Variants in GRM1 observed in about 807,000 individuals in gnomAD.
GRM1 encodes metabotropic glutamate receptor 1.
Under a neutral mutation model 90.9 loss-of-function variants are expected in GRM1, and 33 were observed. The observed-to-expected ratio is 0.36, with a 90% CI of 0.28 to 0.49. GRM1 has a LOEUF of 0.49. GRM1 is among the 20% of genes least tolerant of loss of function. The pLI is 0.99. For synonymous variants in GRM1, 700 were observed against 613.2 expected (o/e 1.14, Z -2.09); for missense variants, 1,190 against 1,534.3 (o/e 0.78, Z 3.75).
intron 1 of GRM1, among the ~76,000 whole-genome samples, chr6:146,068,899 A>T (rs1383429205): frequency 1.3e-5 from 2 of 152,222 alleles, no homozygotes; most frequent in African/African-American, 4.8e-5. Context: ...ATACATATTT[A>T]AAAAATCATA....
rs189769996 is a variant in GRM1, at chr6:146,245,218, G to A, written c.951-59393G>A. Among the ~76,000 whole-genome samples, 403 of 152,218 alleles carry A rather than the reference G, an allele frequency of 2.6e-3. 3 individuals are homozygous for A. Among genetic ancestry groups the A allele is most frequent in the African/African-American group, 8.8e-3 (367 of 41,552 alleles). On this transcript the variant is annotated intron_variant, in intron 2 of 7. Coordinates refer to ENST00000282753, the MANE Select transcript of GRM1 (RefSeq NM_001278064.2). ...ATAAAAAATTCATTTGTGTTCAGGG[G>A]CAAGAATGGTGATATAAATGTTCAA...
chr6:146,283,295 C>A (rs1441213226), intron 2 of GRM1, among the ~76,000 whole-genome samples: 1 of 152,182 alleles, frequency 6.6e-6, no homozygotes. Context: ...AATGAAAAAT[C>A]AGCCAGATAC....
intron 3 of GRM1, among the ~76,000 whole-genome samples, chr6:146,329,897 T>G (rs1011021912): frequency 2.6e-5 from 4 of 152,212 alleles, no homozygotes; most frequent in South Asian, 2.1e-4. Flanking sequence ...AATGGTTATG[T>G]GTACTCGAAG....
At chr6:146,420,598 T>C (rs1274230476) in intron 7 of GRM1, among the ~76,000 whole-genome samples, 1 of 152,158 alleles carries the variant, frequency 6.6e-6, no homozygotes, top group African/African-American at 2.4e-5. Context: ...TCATCTGATA[T>C]AAAATACTAT....
chr6:146,401,517 A>G (rs1777158873), intron 7 of GRM1, among the ~76,000 whole-genome samples: 2 of 152,186 alleles, frequency 1.3e-5, no homozygotes, highest in Non-Finnish European at 2.9e-5. Context: ...AGAAAATGAA[A>G]AGAAAGAAGG....
At chr6:146,055,560 T>A (rs1427500812) in intron 1 of GRM1, among the ~76,000 whole-genome samples, 2 of 152,106 alleles carry the variant, frequency 1.3e-5, no homozygotes, top group Non-Finnish European at 2.9e-5. Context: ...GGATTGAAAT[T>A]TTAAATGCAA....
At chr6:146,371,530 G>A (rs1437034706) in intron 5 of GRM1, among the ~76,000 whole-genome samples, 1 of 151,906 alleles carries the variant, frequency 6.6e-6, no homozygotes, top group Non-Finnish European at 1.5e-5. Context: ...ATTGACTATA[G>A]TCACCCTACG....
chr6:146,346,776 TA>T (rs1785203865), intron 3 of GRM1, among the ~76,000 whole-genome samples: 1 of 152,224 alleles, frequency 6.6e-6, no homozygotes, highest in African/African-American at 2.4e-5. Context: ...CAATATAAAA[TA>T]ATTACAGCCC....
intron 2 of GRM1, among the ~76,000 whole-genome samples, chr6:146,259,652 G>A (rs1583234508): frequency 6.6e-6 from 1 of 152,066 alleles, no homozygotes; most frequent in African/African-American, 2.4e-5. Context: ...TAAAAGCCAA[G>A]TAATAATCCA....
At chr6:146,196,291 AT>A (rs35847536) in intron 2 of GRM1, among the ~76,000 whole-genome samples, 442 of 136,492 alleles carry the variant, frequency 3.2e-3, no homozygotes, top group Middle Eastern at 3.8e-3. Flanking sequence ...AGTGCAGTGG[AT>A]TTTTTTTTTT....
Position 146,434,620 on chromosome 6 carries a change from C to G in GRM1, c.3409C>G (p.Leu1137Val), listed in dbSNP as rs896812631. The G allele has an allele frequency of 5.6e-6, 9 of 1,612,604 alleles. No homozygotes were observed. The highest frequency in any genetic ancestry group is 6.8e-6 in the Non-Finnish European group (8 of 1,180,030). The change falls in exon 8 of 8, where the codon CTG becomes GTG. Residue 1137 changes from leucine (L) to valine (V), a missense_variant. Transcript: ENST00000282753. ...EEEDLQAASK[L>V]TPDDSPALTP... Reference sequence around the variant, plus strand: ...GGAGGACCTGCAGGCGGCCAGCAAACTGACCCCGGATGATTCGCCTGCGCT... The same window carrying G: ...GGAGGACCTGCAGGCGGCCAGCAAAGTGACCCCGGATGATTCGCCTGCGCT...
In GRM1 at chr6:146,113,238, A is replaced by T. The variant is rs147069271; in HGVS notation, c.701-46110A>T. ...TGTTTCCTCTACACTGCCAAGAAACACATCGTAGATTGAATAGACACTCAA... is the reference window on the plus strand; with the variant it reads ...TGTTTCCTCTACACTGCCAAGAAACTCATCGTAGATTGAATAGACACTCAA... On this transcript the variant is annotated intron_variant, in intron 1 of 7. Transcript: ENST00000282753. Among the ~76,000 whole-genome samples, 153 of 152,338 alleles carry T rather than the reference A, an allele frequency of 1.0e-3. 1 individual carries two copies. Among genetic ancestry groups the T allele is most frequent in the African/African-American group, 3.6e-3 (148 of 41,576 alleles).
chr6:146,232,278 G>A (rs1372030330), intron 2 of GRM1, among the ~76,000 whole-genome samples: 3 of 152,020 alleles, frequency 2.0e-5, no homozygotes, highest in African/African-American at 7.2e-5. Context: ...TTCTTCTGAG[G>A]CCTCTCTTCT....
chr6:146,168,967 T>C (rs1423900086), intron 2 of GRM1, among the ~76,000 whole-genome samples: 1 of 152,116 alleles, frequency 6.6e-6, no homozygotes, highest in Non-Finnish European at 1.5e-5. Flanking sequence ...TTGAACGTTT[T>C]AGATTAAGTG....
At chr6:146,151,869 G>A (rs976855025) in intron 1 of GRM1, among the ~76,000 whole-genome samples, 1 of 152,094 alleles carries the variant, frequency 6.6e-6, no homozygotes, top group African/African-American at 2.4e-5. Context: ...AGCTCCATGT[G>A]TTCTCCTTCA....
chr6:146,412,968 A>T (rs537988423), intron 7 of GRM1, among the ~76,000 whole-genome samples: 1 of 152,106 alleles, frequency 6.6e-6, no homozygotes, highest in East Asian at 1.9e-4. Flanking sequence ...ATAATTAAGG[A>T]TATGTTTAAC....
At position 146,030,072 on chromosome 6, in the gene GRM1, T is replaced by C. The variant is rs145923257; in HGVS notation, c.555T>C (p.Tyr185=). Reference sequence around the variant, plus strand: ...TCTTCGACATCCCCCAGATCGCTTATTCAGCCACAAGCATCGACCTGAGTG... The same window carrying C: ...TCTTCGACATCCCCCAGATCGCTTACTCAGCCACAAGCATCGACCTGAGTG... The part of the protein sequence containing the change: ...LQLFDIPQIA[Y]SATSIDLSDK... The change falls in exon 1 of 8, where the codon TAT becomes TAC. Residue 185 remains tyrosine, a synonymous_variant. Coordinates refer to ENST00000282753, the MANE Select transcript of GRM1 (RefSeq NM_001278064.2). 1.3e-5 allele frequency: 21 copies of C among 1,614,192 alleles called. No homozygotes were observed. The highest frequency in any genetic ancestry group is 1.6e-4 in the Middle Eastern group (1 of 6,062).
intron 2 of GRM1, among the ~76,000 whole-genome samples, chr6:146,214,930 T>C (rs942468357): frequency 3.9e-5 from 6 of 152,162 alleles, no homozygotes; most frequent in African/African-American, 9.7e-5. Flanking sequence ...GGCTTTAACG[T>C]AGAGTCTGTA....
At position 146,336,334 on chromosome 6, in the gene GRM1, A is replaced by G. The variant is rs116274558; in HGVS notation, c.1187-15916A>G. 4.8e-3 allele frequency among the ~76,000 whole-genome samples: 728 copies of G among 152,274 alleles called. 4 individuals are homozygous for G. Among genetic ancestry groups the G allele is most frequent in the African/African-American group, 0.017 (698 of 41,572 alleles). On this transcript the variant is annotated intron_variant, in intron 3 of 7. Transcript: ENST00000282753. ...TGTCAAGAGGAGAGGAAGTAAGCTA[A>G]GACTGGGGAGTAAGTTAAGTAATGT... is the stretch of plus-strand genomic sequence containing the variant.
Sources: gnomAD v4.1 joint callset for allele counts (sites outside exome capture counted in the v4.1 genomes callset) on GRCh38, gnomAD v4.1.1 for gene constraint, MANE v1.5 for transcripts, NCBI Gene and HGNC (gene_info 2026-07-23, HGNC 2026-07-21) for gene names.